The following GARNL3 variants were observed in gnomAD, a reference collection of about 807,000 sequenced individuals.
GARNL3 encodes the protein GTPase activating Rap/RanGAP domain like 3.
A neutral mutation model predicts 125.0 loss-of-function variants in GARNL3; 63 were observed. The ratio of observed to expected loss-of-function variants is 0.50; its 90% CI spans 0.41 to 0.62. The LOEUF (loss-of-function observed/expected upper bound fraction) is 0.62, where lower values mean the gene tolerates loss of function less well. GARNL3 is among the 20% of genes least tolerant of loss of function. The pLI, the probability that GARNL3 is intolerant of heterozygous loss-of-function variation, is 0.00. For missense variants in GARNL3, 994 were observed against 1,244.0 expected (o/e 0.80, Z 3.02); for synonymous variants, 439 against 457.5 (o/e 0.96, Z 0.52).
At chr9:127,306,607 G>A (rs951896064) in intron 2 of GARNL3, among the ~76,000 whole-genome samples, 21 of 152,000 alleles carry the variant, frequency 1.4e-4, no homozygotes, top group Non-Finnish European at 2.6e-4. Flanking sequence ...GGCGCCTGTA[G>A]TCCCAGCTAC....
chr9:127,248,211 A>G (rs2063336405), intron 2 of GARNL3, among the ~76,000 whole-genome samples: 1 of 152,098 alleles, frequency 6.6e-6, no homozygotes, highest in African/African-American at 2.4e-5. Context: ...CTTTACTCCC[A>G]TGGAGAAGAG....
chr9:127,258,956 TTC>T (rs1276754025), upstream of GARNL3, among the ~76,000 whole-genome samples: 1 of 152,178 alleles, frequency 6.6e-6, no homozygotes, highest in Non-Finnish European at 1.5e-5. Context: ...TTCTCACAAA[TTC>T]TCTCTACTGG....
chr9:127,242,985 CGGGGCTGCCTTTG>C lies in GARNL3; in HGVS notation c.-28-91_-28-79del, dbSNP rs2063229633. 1 of 1,112,250 alleles carries C rather than the reference CGGGGCTGCCTTTG, an allele frequency of 9.0e-7. No individual in the cohort carries two copies. Among genetic ancestry groups the C allele is most frequent in the African/African-American group, 1.6e-5 (1 of 60,950 alleles). 68.9% of individuals were successfully genotyped at this position (1,112,250 alleles called of 1,614,324 possible). On this transcript the variant is annotated intron_variant, in intron 1 of 10. Coordinates refer to the GARNL3 transcript ENST00000439286. This position sits in a 1 kb window ranked among gnomAD's most constrained non-coding sequence, Gnocchi z 4.6. ...TGTCACCCTCCTCCTTGCTTACCAG[CGGGGCTGCCTTTG>C]GGAGGAGGGTAAAGCAGGCCAGGGA...
chr9:127,254,639 C>T (rs1364114963), intron 2 of GARNL3, among the ~76,000 whole-genome samples: 3 of 152,090 alleles, frequency 2.0e-5, no homozygotes, highest in East Asian at 1.9e-4. Context: ...TGTGGTGGCA[C>T]GTGCCTGTAA....
chr9:127,381,541 T>A (rs1202545689), intron 22 of GARNL3, among the ~76,000 whole-genome samples: 1 of 152,192 alleles, frequency 6.6e-6, no homozygotes, highest in Non-Finnish European at 1.5e-5. Flanking sequence ...TTTAAACATT[T>A]AAACGAATGA....
upstream of GARNL3, among the ~76,000 whole-genome samples, chr9:127,263,235 G>A (rs1016673558): frequency 9.2e-5 from 14 of 152,186 alleles, no homozygotes; most frequent in South Asian, 6.2e-4. Flanking sequence ...AATTGGCACC[G>A]TGTCTCAGAA....
intron 11 of GARNL3, 143 bp from the exon 12 acceptor site, chr9:127,337,973 G>T (rs1373819648): frequency 2.3e-5 from 15 of 665,786 alleles, no homozygotes; most frequent in Non-Finnish European, 3.8e-5. Flanking sequence ...AAGAAGTATG[G>T]GTTCTGTCCC....
chr9:127,246,426 T>A (rs1485574875), intron 2 of GARNL3, among the ~76,000 whole-genome samples: 1 of 152,058 alleles, frequency 6.6e-6, no homozygotes, highest in Non-Finnish European at 1.5e-5. Context: ...CTCAGGGAGC[T>A]GAGTAGTTGG....
chr9:127,278,513 A>T (rs191882087), intron 1 of GARNL3, among the ~76,000 whole-genome samples: 5 of 152,334 alleles, frequency 3.3e-5, no homozygotes, highest in African/African-American at 1.2e-4. Context: ...ATCTTTTCTT[A>T]ATCATTACAT....
At chr9:127,237,989 G>A (rs1243725291) in intron 1 of GARNL3, among the ~76,000 whole-genome samples, 1 of 152,172 alleles carries the variant, frequency 6.6e-6, no homozygotes, top group Non-Finnish European at 1.5e-5. Flanking sequence ...TCAGAGACTG[G>A]TAAAGCAGTG....
chr9:127,390,783 G>A lies in GARNL3; in HGVS notation c.2870+16G>A. On this transcript the variant is annotated intron_variant, in intron 27 of 27. Coordinates refer to ENST00000373387, the MANE Select transcript of GARNL3 (RefSeq NM_032293.5). ...GCAGTGACAGGTAAAGAGAGGGAGA[G>A]GCCCCTGCTTGGGGTGGTGGACCTA... is the stretch of plus-strand genomic sequence containing the variant. 1 of 1,610,560 alleles carries A rather than the reference G, an allele frequency of 6.2e-7. No individual in the cohort carries two copies. The highest frequency in any genetic ancestry group is 8.5e-7 in the Non-Finnish European group (1 of 1,178,402).
At chr9:127,293,510 G>A (rs1487598013) in intron 2 of GARNL3, among the ~76,000 whole-genome samples, 2 of 151,926 alleles carry the variant, frequency 1.3e-5, no homozygotes, top group East Asian at 1.9e-4. Flanking sequence ...TGGCACGTCC[G>A]TTGTCATGTC....
intron 9 of GARNL3, 121 bp from the exon 10 acceptor site, chr9:127,335,109 G>A (rs1829477869): frequency 2.9e-6 from 2 of 700,906 alleles, no homozygotes; most frequent in Admixed American, 2.3e-5. Flanking sequence ...CCATGCAGGT[G>A]GATAATCCAA....
rs371426983 is a variant in GARNL3, at chr9:127,382,989, C to T, written c.2162-449C>T. Among the ~76,000 whole-genome samples, 8 of 152,304 alleles carry T rather than the reference C, an allele frequency of 5.3e-5. No individual in the cohort carries two copies. The South Asian group carries it at 1.7e-3, about 32-fold the overall frequency. ...CTTGACCGTTCACAAGTGTGGGAGA[C>T]AGTAGGGCATAGGCATTCAGCACAC... is the stretch of plus-strand genomic sequence containing the variant. On this transcript the variant is annotated intron_variant, in intron 22 of 27. Transcript: ENST00000373387.
At chr9:127,236,262 A>C (rs909293407) in intron 1 of GARNL3, among the ~76,000 whole-genome samples, 2 of 152,208 alleles carry the variant, frequency 1.3e-5, no homozygotes, top group African/African-American at 4.8e-5. Flanking sequence ...ATTATCGGAA[A>C]TGTCAAAGCA....
At chr9:127,263,445 C>T (rs552812679), upstream of GARNL3, among the ~76,000 whole-genome samples, 5 of 152,298 alleles carry the variant, frequency 3.3e-5, no homozygotes, top group East Asian at 3.9e-4. Flanking sequence ...GCTCTCTGCC[C>T]GATCTCTGTC....
intron 2 of GARNL3, among the ~76,000 whole-genome samples, chr9:127,249,116 A>AC (rs75548494): frequency 0.61 from 92,335 of 151,810 alleles, 30,931 homozygotes; most frequent in Admixed American, 0.75. Context: ...AAAAGTGCTT[A>AC]CTATTTGTTG....
At chr9:127,237,978 A>G (rs190170193) in intron 1 of GARNL3, among the ~76,000 whole-genome samples, 1 of 152,286 alleles carries the variant, frequency 6.6e-6, no homozygotes, top group Non-Finnish European at 1.5e-5. Context: ...GCAGCTGCCT[A>G]TCAGAGACTG....
chr9:127,327,168 T>C (rs142895805), intron 7 of GARNL3, among the ~76,000 whole-genome samples: 15 of 152,362 alleles, frequency 9.8e-5, no homozygotes, highest in Admixed American at 5.9e-4. Context: ...CACATACTTA[T>C]TGAGCTCCTA....
Sources: gnomAD v4.1 joint callset for allele counts (sites outside exome capture counted in the v4.1 genomes callset) on GRCh38, gnomAD v4.1.1 for gene constraint, Gnocchi (gnomAD v3.1) non-coding constraint, MANE v1.5 for transcripts, NCBI Gene and HGNC (gene_info 2026-07-23, HGNC 2026-07-21) for gene names.